Variants in LTV1 observed in about 807,000 individuals in gnomAD.
LTV1 encodes the protein LTV1 ribosome biogenesis factor.
In LTV1, 39 loss-of-function variants were observed where a neutral mutation model predicts 59.9. The ratio of observed to expected loss-of-function variants is 0.65; its 90% CI spans 0.50 to 0.85. The LOEUF is 0.85. Ranked by LOEUF, LTV1 falls within the 40% of genes least tolerant of loss-of-function variation. The pLI is 0.00. For missense variants in LTV1, 493 were observed against 549.1 expected, an observed-to-expected ratio of 0.90 and a Z score of 1.02; for synonymous variants, 171 against 189.5, an observed-to-expected ratio of 0.90 and a Z score of 0.80.
intron 3 of LTV1, among the ~76,000 whole-genome samples, chr6:143,848,903 C>G (rs116825830): frequency 2.1e-3 from 324 of 152,236 alleles, no homozygotes; most frequent in Non-Finnish European, 3.3e-3. Flanking sequence ...CAGGCACATG[C>G]GCGCCAAGTA....
Position 143,843,391 on chromosome 6 carries a change from G to C in LTV1, c.-87G>C, listed in dbSNP as rs550741866. 6.5e-7 allele frequency: 1 copy of C among 1,541,200 alleles called. No individual in the cohort carries two copies. The highest frequency in any genetic ancestry group is 1.1e-5 in the South Asian group (1 of 89,750). On this transcript the variant is annotated 5_prime_UTR_variant, in exon 1 of 11. Transcript: ENST00000367576. Reference sequence around the variant, plus strand: ...CACGTGTGGTGAGGCCTACAGAAGCGGCCTTCAGCTGGACCTTGGTCTCCC... The same window carrying C: ...CACGTGTGGTGAGGCCTACAGAAGCCGCCTTCAGCTGGACCTTGGTCTCCC...
Position 143,863,460 on chromosome 6 carries a change from T to C in LTV1, c.1361T>C (p.Leu454Pro), listed in dbSNP as rs1459116534. 6 of 1,613,798 alleles carry C rather than the reference T, an allele frequency of 3.7e-6. No individual in the cohort carries two copies. The highest frequency in any genetic ancestry group is 5.1e-6 in the Non-Finnish European group (6 of 1,179,868). Residue 454 changes from leucine to proline, a missense_variant, in exon 11 of 11, where the codon CTG becomes CCG. Leu to Pro is a moderately conservative substitution (Grantham distance 98). Coordinates refer to ENST00000367576, the MANE Select transcript of LTV1 (RefSeq NM_032860.5). The surrounding 1 kb of genome is among the most constrained non-coding windows in gnomAD (Gnocchi z 4.5). ...AAAGCTAACAAATTAGCATTTAAAC[T>C]GGAGAAAAGAAGGCAAGAAAAAGAG... Reference protein sequence around the residue: ...EKKANKLAFKLEKRRQEKELL... With the variant: ...EKKANKLAFKPEKRRQEKELL...
At chr6:143,853,265 G>C (rs879419600) in intron 4 of LTV1, among the ~76,000 whole-genome samples, 1 of 152,150 alleles carries the variant, frequency 6.6e-6, no homozygotes, top group Non-Finnish European at 1.5e-5. Flanking sequence ...TTGGCTCTCT[G>C]TTTGTCTATT....
chr6:143,846,936 G>A lies in LTV1; in HGVS notation c.309+712G>A, dbSNP rs576792677. ...TAAGCAAAAGGTAAGAGATAGAAAGGGCACCAGTTTACCCTGCTCCTCATT... is the reference window on the plus strand; with the variant it reads ...TAAGCAAAAGGTAAGAGATAGAAAGAGCACCAGTTTACCCTGCTCCTCATT... On this transcript the variant is annotated intron_variant, in intron 3 of 10. Coordinates refer to ENST00000367576, the MANE Select transcript of LTV1 (RefSeq NM_032860.5). 5.6e-4 allele frequency among the ~76,000 whole-genome samples: 86 copies of A among 152,242 alleles called. 2 individuals carry two copies. Among genetic ancestry groups the A allele is most frequent in the African/African-American group, 2.0e-3 (83 of 41,530 alleles).
Position 143,863,062 on chromosome 6 carries a change from A to G in LTV1, c.1117-24A>G, listed in dbSNP as rs1296149018. The G allele has an allele frequency of 1.3e-6, 2 of 1,585,004 alleles. No homozygotes were observed. Among genetic ancestry groups the G allele is most frequent in the East Asian group, 2.2e-5 (1 of 44,690 alleles). ...TTTAATAGGAATGAGAAGTAACTCT[A>G]GTACCATTTTATCTGTATTTCAGCC... On this transcript the variant is annotated intron_variant, in intron 9 of 10. Transcript: ENST00000367576. This position sits in a 1 kb window ranked among gnomAD's most constrained non-coding sequence, Gnocchi z 4.5.
In LTV1 at chr6:143,855,303, T is replaced by A. The variant is rs1228179416; in HGVS notation, c.398-2000T>A. Among the ~76,000 whole-genome samples the A allele has an allele frequency of 6.6e-6, 1 of 152,162 alleles. No individual in the cohort carries two copies. Among genetic ancestry groups the A allele is most frequent in the African/African-American group, 2.4e-5 (1 of 41,442 alleles). Reference sequence around the variant, plus strand: ...TTTTGCTTTCCATTTGCTTGGTAAATATCCTCCATTCCTTTATTTTGAGTC... The same window carrying A: ...TTTTGCTTTCCATTTGCTTGGTAAAAATCCTCCATTCCTTTATTTTGAGTC... On this transcript the variant is annotated intron_variant, in intron 4 of 10. Coordinates refer to ENST00000367576, the MANE Select transcript of LTV1 (RefSeq NM_032860.5). The surrounding 1 kb of genome is among the most constrained non-coding windows in gnomAD (Gnocchi z 4.6).
At chr6:143,859,366 C>T (rs911067119) in intron 6 of LTV1, among the ~76,000 whole-genome samples, 2 of 152,204 alleles carry the variant, frequency 1.3e-5, no homozygotes, top group East Asian at 3.9e-4. Context: ...TAATGTTGTG[C>T]TTTATTATGT....
chr6:143,844,686 A>G, intron 2 of LTV1, 69 bp downstream of exon 2: 1 of 1,328,182 alleles, frequency 7.5e-7, no homozygotes, highest in Non-Finnish European at 1.0e-6. Flanking sequence ...TTTTTTTTTT[A>G]AATAAATAGA....
Position 143,862,608 on chromosome 6 carries a change from T to C in LTV1, c.1064-236T>C, listed in dbSNP as rs1232090428. 6.6e-6 allele frequency among the ~76,000 whole-genome samples: 1 copy of C among 152,084 alleles called. No homozygotes were observed. The highest frequency in any genetic ancestry group is 2.4e-5 in the African/African-American group (1 of 41,410). On this transcript the variant is annotated intron_variant, in intron 8 of 10. Coordinates refer to ENST00000367576, the MANE Select transcript of LTV1 (RefSeq NM_032860.5). This position sits in a 1 kb window ranked among gnomAD's most constrained non-coding sequence, Gnocchi z 4.2. ...TCTAAAAAAAAACATATATCAACTT[T>C]GAAAAAATACATATATTTTAATAAG...
At chr6:143,854,573 G>A (rs1169373838) in intron 4 of LTV1, among the ~76,000 whole-genome samples, 4 of 152,148 alleles carry the variant, frequency 2.6e-5, no homozygotes, top group South Asian at 2.1e-4. Context: ...GCTTTCTCCT[G>A]TGGGAATTTA....
rs1259851095 is a variant in LTV1, at chr6:143,862,372, G to T, written c.1063+129G>T. The T allele has an allele frequency of 2.8e-6, 2 of 711,540 alleles. No homozygotes were observed. Among genetic ancestry groups the T allele is most frequent in the Non-Finnish European group, 4.4e-6 (2 of 449,608 alleles). The allele number at this position is 711,540 out of a possible 1,614,324, so 44.1% of individuals were successfully genotyped here. A position where few individuals can be genotyped will look rare whatever the true frequency, so the allele number is the denominator to read the frequency against. ...GGCCGAGGCGGGTGGGTCACCTGAT[G>T]TCAGGAGTTCAAGACCAGCCTGGCC... On this transcript the variant is annotated intron_variant, in intron 8 of 10. Coordinates refer to ENST00000367576, the MANE Select transcript of LTV1 (RefSeq NM_032860.5). This position sits in a 1 kb window ranked among gnomAD's most constrained non-coding sequence, Gnocchi z 4.2.
At chr6:143,854,606 C>G (rs1777043165) in intron 4 of LTV1, among the ~76,000 whole-genome samples, 1 of 152,166 alleles carries the variant, frequency 6.6e-6, no homozygotes, top group Admixed American at 6.5e-5. Context: ...TCCCCTTAAA[C>G]ACTGCTTTAG....
At position 143,860,463 on chromosome 6, in the gene LTV1, TG is replaced by T. The variant is rs1777143626; in HGVS notation, c.835del (p.Asp279IlefsTer20). ...EQYDDDEIGA[L>X]DNAELEGSIQ... ...TATGATGATGATGAAATTGGAGCTC[TG>T]GATAATGCAGAATTGGAAGGTTCTA... On this transcript the variant is annotated frameshift_variant, in exon 7 of 11. Transcript: ENST00000367576. LOFTEE classifies it high-confidence loss of function. 5 of 1,613,512 alleles carry T rather than the reference TG, an allele frequency of 3.1e-6. No individual in the cohort carries two copies. The highest frequency in any genetic ancestry group is 4.2e-6 in the Non-Finnish European group (5 of 1,179,672).
intron 4 of LTV1, among the ~76,000 whole-genome samples, chr6:143,856,021 A>G (rs1777070539): frequency 6.6e-6 from 1 of 152,152 alleles, no homozygotes; most frequent in African/African-American, 2.4e-5. Flanking sequence ...TATCCTGAAG[A>G]GTGTTTTTCA....
chr6:143,844,437 G>A (rs760982853), intron 1 of LTV1, 49 bp from the exon 2 acceptor site: 7 of 1,596,862 alleles, frequency 4.4e-6, no homozygotes, highest in East Asian at 2.2e-5. Flanking sequence ...ATTATTCTCC[G>A]TCTTTTTGTT....
chr6:143,859,676 T>G (rs1777131855), intron 6 of LTV1, among the ~76,000 whole-genome samples: 1 of 152,232 alleles, frequency 6.6e-6, no homozygotes, highest in African/African-American at 2.4e-5. Flanking sequence ...CCCCATTTAC[T>G]CTTTGTCAAA....
chr6:143,845,525 G>A (rs867836068), intron 2 of LTV1, among the ~76,000 whole-genome samples: 1 of 152,054 alleles, frequency 6.6e-6, no homozygotes. Flanking sequence ...ACAGGCACAC[G>A]CCACCTGGCC....
intron 3 of LTV1, among the ~76,000 whole-genome samples, chr6:143,848,690 G>A (rs1348656138): frequency 6.6e-6 from 1 of 152,182 alleles, no homozygotes; most frequent in Admixed American, 6.5e-5. Flanking sequence ...GAGAATGTAG[G>A]CTAGCAAGCA....
chr6:143,847,631 G>A (rs373203250), intron 3 of LTV1, among the ~76,000 whole-genome samples: 58 of 152,324 alleles, frequency 3.8e-4, no homozygotes, highest in African/African-American at 1.3e-3. Context: ...AAAGTGCTGG[G>A]ATTACAGGCG....
Sources: allele counts gnomAD v4.1 joint callset (sites outside exome capture counted in the v4.1 genomes callset), GRCh38; gene constraint gnomAD v4.1.1; non-coding constraint Gnocchi (gnomAD v3.1); transcripts MANE v1.5; gene names NCBI Gene and HGNC (gene_info 2026-07-23, HGNC 2026-07-21).